Variants in DNPEP observed in about 807,000 individuals in gnomAD.
DNPEP encodes the protein aspartyl aminopeptidase.
Under a neutral mutation model 59.1 loss-of-function variants are expected in DNPEP, and 46 were observed. The observed-to-expected ratio is 0.78, with a 90% confidence interval of 0.61 to 0.99. The LOEUF (loss-of-function observed/expected upper bound fraction) is 0.99. DNPEP is among the 50% of genes least tolerant of loss of function. The pLI, the probability that DNPEP is intolerant of heterozygous loss-of-function variation, is 0.00. For synonymous variants in DNPEP, 229 were observed against 242.2 expected (o/e 0.95, Z 0.50); for missense variants, 617 against 649.9 (o/e 0.95, Z 0.55).
In DNPEP at chr2:219,385,958, C is replaced by T. The variant is rs773443381; in HGVS notation, c.590+10G>A. The T allele has an allele frequency of 1.2e-6, 2 of 1,613,868 alleles. No homozygotes were observed. Among genetic ancestry groups the T allele is most frequent in the Non-Finnish European group, 8.5e-7 (1 of 1,179,898 alleles). On this transcript the variant is annotated intron_variant, in intron 6 of 14. Transcript: ENST00000273075. ...CCCTCCCAGCCACCGCAGCCCTGCC[C>T]CAGTCTCACAGATGCATCTCTGTGT...
chr2:219,383,233 T>C lies in DNPEP; in HGVS notation c.853-19A>G, dbSNP rs1281399572. ...TCAAGGCCTGGTTCAGGGAAGGAAA[T>C]GAGAGCATCATCTCCAACCTGCTTC... is the stretch of plus-strand genomic sequence containing the variant. On this transcript the variant is annotated intron_variant, in intron 9 of 14. Transcript: ENST00000273075. The C allele has an allele frequency of 6.2e-7, 1 of 1,611,878 alleles. No homozygotes were observed.
intron 13 of DNPEP, among the ~76,000 whole-genome samples, chr2:219,375,702 C>T (rs1463387700): frequency 1.3e-5 from 2 of 152,134 alleles, no homozygotes; most frequent in East Asian, 1.9e-4. Flanking sequence ...GCTGGGATTA[C>T]AGGCACGCAC....
chr2:219,386,995 C>T lies in DNPEP; in HGVS notation c.131-15G>A. On this transcript the variant is annotated splice_polypyrimidine_tract_variant and intron_variant, in intron 2 of 14. Transcript: ENST00000273075. ...TTCAGCCACAGCTGTGGGAAAAGCA[C>T]CCTCTCACAGCGATGGAAGCTGGTG... is the stretch of plus-strand genomic sequence containing the variant. The T allele has an allele frequency of 6.2e-7, 1 of 1,613,952 alleles. No homozygotes were observed. The highest frequency in any genetic ancestry group is 8.5e-7 in the Non-Finnish European group (1 of 1,179,940).
upstream of DNPEP, among the ~76,000 whole-genome samples, chr2:219,391,346 C>T (rs990914673): frequency 6.6e-6 from 1 of 152,078 alleles, no homozygotes; most frequent in African/African-American, 2.4e-5. Context: ...GTAAATGTTC[C>T]CCGTGGCCGA....
chr2:219,394,137 A>C (rs975337194), intron 1 of DNPEP, among the ~76,000 whole-genome samples: 2 of 152,138 alleles, frequency 1.3e-5, no homozygotes, highest in Non-Finnish European at 2.9e-5. Flanking sequence ...ATCTAGTCTT[A>C]TGTTTTCCCG....
Position 219,386,856 on chromosome 2 carries a change from G to T in DNPEP, c.219+36C>A, listed in dbSNP as rs753878604. On this transcript the variant is annotated intron_variant, in intron 3 of 14. Coordinates refer to ENST00000273075, the MANE Select transcript of DNPEP (RefSeq NM_012100.4). ...ACACAGGGCTTGGAGACCAGCCTAGGGACCTGCCTTTCCACCCCCACCCCA... is the reference window on the plus strand; with the variant it reads ...ACACAGGGCTTGGAGACCAGCCTAGTGACCTGCCTTTCCACCCCCACCCCA... 3.7e-6 allele frequency: 6 copies of T among 1,610,708 alleles called. No individual in the cohort carries two copies. The South Asian group carries it at 6.6e-5, about 18-fold the overall frequency.
At chr2:219,378,690 C>T (rs918586059) in intron 13 of DNPEP, among the ~76,000 whole-genome samples, 9 of 152,034 alleles carry the variant, frequency 5.9e-5, no homozygotes, top group Admixed American at 2.6e-4. Context: ...ACAGTGGTCC[C>T]GTAAGATTAT....
chr2:219,374,763 C>T (rs944587454), intron 14 of DNPEP, 92 bp downstream of exon 14: 7 of 1,449,664 alleles, frequency 4.8e-6, no homozygotes, highest in Non-Finnish European at 5.7e-6. Context: ...TCAGGCCAGT[C>T]ACTTTGTGAT....
chr2:219,380,823 T>C (rs1953561553), intron 13 of DNPEP, among the ~76,000 whole-genome samples: 1 of 31,494 alleles, frequency 3.2e-5, no homozygotes, highest in Non-Finnish European at 1.1e-4. Context: ...TATACATACA[T>C]GTATACAACA....
At chr2:219,397,507 A>T (rs1158629199) in intron 1 of DNPEP, among the ~76,000 whole-genome samples, 4 of 152,262 alleles carry the variant, frequency 2.6e-5, no homozygotes, top group South Asian at 2.1e-4. Flanking sequence ...CCTCCATATG[A>T]TCAAGAATGT....
chr2:219,389,915 G>A (rs1953988225), upstream of DNPEP, among the ~76,000 whole-genome samples: 1 of 152,282 alleles, frequency 6.6e-6, no homozygotes, highest in South Asian at 2.1e-4. Flanking sequence ...TACCTCCTGG[G>A]GAGGGGACAC....
At position 219,386,764 on chromosome 2, in the gene DNPEP, C is replaced by T. The variant is rs1410987673; in HGVS notation, c.234G>A (p.Arg78=). 5 of 1,612,956 alleles carry T rather than the reference C, an allele frequency of 3.1e-6. No homozygotes were observed. The South Asian group carries it at 4.4e-5, about 14-fold the overall frequency. ...IKPESKYFMT[R]NSSTIIAFAV... ...CAAAAGCTATGATGGTGGAGGAGTT[C>T]CTGGTCATGAAGTACTGAGGAGAAG... Residue 78 remains arginine (R), a synonymous_variant, in exon 4 of 15, where the codon AGG becomes AGA. Coordinates refer to ENST00000273075, the MANE Select transcript of DNPEP (RefSeq NM_012100.4).
chr2:219,396,081 T>C (rs1303851624), intron 1 of DNPEP, among the ~76,000 whole-genome samples: 1 of 151,668 alleles, frequency 6.6e-6, no homozygotes, highest in Non-Finnish European at 1.5e-5. Flanking sequence ...GTGAAAAAAA[T>C]GACAAAATTA....
At chr2:219,394,767 C>T (rs1345729868) in intron 1 of DNPEP, among the ~76,000 whole-genome samples, 2 of 152,192 alleles carry the variant, frequency 1.3e-5, no homozygotes, top group African/African-American at 4.8e-5. Flanking sequence ...ATTGTTTTTG[C>T]ACAGTCTCCA....
In DNPEP at chr2:219,381,634, C is replaced by T. The variant is rs369685606; in HGVS notation, c.1098-50G>A. 138 of 1,571,018 alleles carry T rather than the reference C, an allele frequency of 8.8e-5. No homozygotes were observed. In the African/African-American group the frequency reaches 1.6e-3, roughly 18 times the overall value. On this transcript the variant is annotated intron_variant, in intron 11 of 14. Coordinates refer to ENST00000273075, the MANE Select transcript of DNPEP (RefSeq NM_012100.4). ...ACATAGCAAACAGGAGCAGGCCTGT[C>T]GACACTCACCACCCTCCCATGGCAG...
At position 219,372,672 on chromosome 2, in the gene DNPEP, A is replaced by T. The variant is rs1256853006; in HGVS notation, c.*1620T>A. ...ATAAGCCACCGTGCCTGGCCATATA[A>T]TGTTTTGAAGGTACTCCTTGTCCTG... is the stretch of plus-strand genomic sequence containing the variant. On this transcript the variant is annotated 3_prime_UTR_variant, in exon 15 of 15. Transcript: ENST00000273075. Among the ~76,000 whole-genome samples the T allele has an allele frequency of 6.6e-6, 1 of 152,010 alleles. No individual in the cohort carries two copies. The highest frequency in any genetic ancestry group is 1.5e-5 in the Non-Finnish European group (1 of 67,982).
intron 1 of DNPEP, among the ~76,000 whole-genome samples, chr2:219,394,132 G>A (rs966222202): frequency 6.6e-6 from 1 of 152,064 alleles, no homozygotes; most frequent in Admixed American, 6.6e-5. Flanking sequence ...GAACTATCTA[G>A]TCTTATGTTT....
chr2:219,386,425 T>TG lies in DNPEP; in HGVS notation c.334-15dup. On this transcript the variant is annotated splice_polypyrimidine_tract_variant and intron_variant, in intron 4 of 14. Coordinates refer to ENST00000273075, the MANE Select transcript of DNPEP (RefSeq NM_012100.4). The stretch of plus-strand genomic sequence containing the variant: ...CCGACGTTTCACCTGAGTGTAAAGA[T>TG]GGAGAAGTCAGAGAAGGCTTCATGA... The TG allele has an allele frequency of 6.2e-7, 1 of 1,614,142 alleles. No homozygotes were observed. Among genetic ancestry groups the TG allele is most frequent in the South Asian group, 1.1e-5 (1 of 91,082 alleles).
At chr2:219,388,537 G>A, upstream of DNPEP, 1 of 216,888 alleles carries the variant, frequency 4.6e-6, no homozygotes, top group Non-Finnish European at 7.9e-6. Flanking sequence ...CCCTGCGGGG[G>A]CTGCTCGTTA....
Sources: gnomAD v4.1 joint callset for allele counts (sites outside exome capture counted in the v4.1 genomes callset) on GRCh38, gnomAD v4.1.1 for gene constraint, MANE v1.5 for transcripts, NCBI Gene and HGNC (gene_info 2026-07-23, HGNC 2026-07-21) for gene names.